Variants in HS3ST3A1 observed in about 807,000 individuals in gnomAD.
HS3ST3A1 encodes heparan sulfate glucosamine 3-O-sulfotransferase 3A1.
In HS3ST3A1, 19 loss-of-function variants were observed where a neutral mutation model predicts 25.7. That is an observed-to-expected ratio of 0.74 (90% CI 0.52 to 1.08). The LOEUF (loss-of-function observed/expected upper bound fraction) is 1.08. Among genes scored for constraint, HS3ST3A1 ranks in the 50% least tolerant of loss-of-function variants. The pLI is 0.00. For synonymous variants in HS3ST3A1, 226 were observed against 278.6 expected (o/e 0.81, Z 1.88); for missense variants, 459 against 594.3 (o/e 0.77, Z 2.37).
chr17:13,545,921 G>C lies in HS3ST3A1; in HGVS notation c.600-49103C>G, dbSNP rs555965398. ...GAACCCAGGAAGCAGAGGCTGCGGT[G>C]AACCGAGATTGTGTCACTGCACTCC... On this transcript the variant is annotated intron_variant, in intron 1 of 1. Transcript: ENST00000284110. 9.9e-5 allele frequency among the ~76,000 whole-genome samples: 15 copies of C among 152,214 alleles called. No homozygotes were observed. In the South Asian group the frequency reaches 3.1e-3, roughly 32 times the overall value.
Position 13,506,259 on chromosome 17 carries a change from A to G in HS3ST3A1, c.600-9441T>C, listed in dbSNP as rs569378815. Among the ~76,000 whole-genome samples the G allele has an allele frequency of 2.0e-5, 3 of 152,142 alleles. No individual in the cohort carries two copies. In the South Asian group the frequency reaches 6.2e-4, roughly 32 times the overall value. On this transcript the variant is annotated intron_variant, in intron 1 of 1. Coordinates refer to ENST00000284110, the MANE Select transcript of HS3ST3A1 (RefSeq NM_006042.3). ...TAAGGATTTCAGCCTTGATTTTGCT[A>G]TTAATAAGCTGTGTGATCTTGGGCA...
intron 1 of HS3ST3A1, among the ~76,000 whole-genome samples, chr17:13,557,232 T>A (rs1288558826): frequency 2.6e-5 from 4 of 152,200 alleles, no homozygotes; most frequent in Non-Finnish European, 5.9e-5. Flanking sequence ...CTGAATCACT[T>A]AATAAGAATG....
intron 1 of HS3ST3A1, among the ~76,000 whole-genome samples, chr17:13,554,134 A>G (rs1421122843): frequency 1.3e-5 from 2 of 152,206 alleles, no homozygotes; most frequent in African/African-American, 4.8e-5. Flanking sequence ...CTGCCTCATA[A>G]GCAAGACATT....
chr17:13,545,238 T>C (rs940394041), intron 1 of HS3ST3A1, among the ~76,000 whole-genome samples: 4 of 152,178 alleles, frequency 2.6e-5, no homozygotes, highest in Non-Finnish European at 4.4e-5. Flanking sequence ...AATGCAGATA[T>C]ACCTAAATAA....
At chr17:13,595,856 GTT>G (rs1908562722) in intron 1 of HS3ST3A1, among the ~76,000 whole-genome samples, 3 of 151,280 alleles carry the variant, frequency 2.0e-5, no homozygotes, top group African/African-American at 7.3e-5. Context: ...GGTTGTTGTT[GTT>G]GTTGTTGTTG....
chr17:13,513,505 C>T (rs1567611249), intron 1 of HS3ST3A1, among the ~76,000 whole-genome samples: 2 of 152,158 alleles, frequency 1.3e-5, no homozygotes, highest in Admixed American at 6.5e-5. Context: ...TACTCAACCA[C>T]CGCTCCGATA....
At chr17:13,538,402 T>C (rs1278287170) in intron 1 of HS3ST3A1, among the ~76,000 whole-genome samples, 1 of 152,210 alleles carries the variant, frequency 6.6e-6, no homozygotes, top group African/African-American at 2.4e-5. Flanking sequence ...TAGTAGCACT[T>C]AGAAATTCTT....
intron 1 of HS3ST3A1, among the ~76,000 whole-genome samples, chr17:13,529,938 GA>G (rs1023127543): frequency 1.2e-4 from 18 of 150,354 alleles, no homozygotes; most frequent in East Asian, 3.9e-4. Flanking sequence ...GATGTTTAAG[GA>G]AAAAAAATGA....
At chr17:13,552,902 TC>T (rs1240711515) in intron 1 of HS3ST3A1, among the ~76,000 whole-genome samples, 2 of 152,158 alleles carry the variant, frequency 1.3e-5, no homozygotes, top group Admixed American at 1.3e-4. Context: ...AAGAACTTCT[TC>T]CCTCTCTGGT....
intron 1 of HS3ST3A1, among the ~76,000 whole-genome samples, chr17:13,502,378 C>T (rs1276398452): frequency 6.6e-6 from 1 of 152,184 alleles, no homozygotes; most frequent in East Asian, 1.9e-4. Context: ...GCCAAGCACT[C>T]TAGCACTGGC....
At chr17:13,579,943 T>TAAAAAAA (rs66568347) in intron 1 of HS3ST3A1, among the ~76,000 whole-genome samples, 177 of 81,612 alleles carry the variant, frequency 2.2e-3, no homozygotes, top group African/African-American at 2.7e-3. Context: ...TGACTCTGTC[T>TAAAAAAA]AAAAAAAAAA....
At chr17:13,586,215 A>G (rs968465914) in intron 1 of HS3ST3A1, among the ~76,000 whole-genome samples, 1 of 151,910 alleles carries the variant, frequency 6.6e-6, no homozygotes, top group Non-Finnish European at 1.5e-5. Flanking sequence ...TCCTTTTCGC[A>G]TGGCTAGTAT....
chr17:13,519,455 T>A (rs1906157723), intron 1 of HS3ST3A1, among the ~76,000 whole-genome samples: 2 of 152,276 alleles, frequency 1.3e-5, no homozygotes, highest in East Asian at 1.9e-4. Context: ...TTATGTCTAT[T>A]TTGAAGAGGA....
intron 1 of HS3ST3A1, among the ~76,000 whole-genome samples, chr17:13,578,356 C>T (rs904616211): frequency 2.7e-5 from 4 of 146,598 alleles, no homozygotes; most frequent in South Asian, 2.2e-4. Flanking sequence ...AAGACCAGCC[C>T]GGCCAACACG....
At chr17:13,576,328 A>G (rs541688005) in intron 1 of HS3ST3A1, among the ~76,000 whole-genome samples, 5 of 152,350 alleles carry the variant, frequency 3.3e-5, no homozygotes, top group East Asian at 3.9e-4. Flanking sequence ...ATAAGGTGGA[A>G]GAGTCACTCC....
At chr17:13,600,414 G>A in intron 1 of HS3ST3A1, 117 bp downstream of exon 1, 2 of 1,406,562 alleles carry the variant, frequency 1.4e-6, no homozygotes, top group South Asian at 1.5e-5. Context: ...ACGACCCTTC[G>A]CCTTCTGCAT....
intron 1 of HS3ST3A1, among the ~76,000 whole-genome samples, chr17:13,574,268 G>T (rs1356482741): frequency 6.6e-6 from 1 of 151,456 alleles, no homozygotes; most frequent in African/African-American, 2.4e-5. Context: ...CAAGTAGCTG[G>T]GACTACAGGT....
intron 1 of HS3ST3A1, among the ~76,000 whole-genome samples, chr17:13,506,871 A>G (rs1168719186): frequency 6.6e-6 from 1 of 151,468 alleles, no homozygotes; most frequent in African/African-American, 2.4e-5. Flanking sequence ...AGCCTGGGCA[A>G]CATGCTGTAA....
At chr17:13,544,158 T>C (rs1429626131) in intron 1 of HS3ST3A1, among the ~76,000 whole-genome samples, 1 of 152,188 alleles carries the variant, frequency 6.6e-6, no homozygotes, top group African/African-American at 2.4e-5. Context: ...GATGAAAATA[T>C]ATACATTTTT....
Sources: allele counts gnomAD v4.1 joint callset (sites outside exome capture counted in the v4.1 genomes callset), GRCh38; gene constraint gnomAD v4.1.1; transcripts MANE v1.5; gene names NCBI Gene and HGNC (gene_info 2026-07-23, HGNC 2026-07-21).